Variants in EPB41L4A observed in about 807,000 individuals in gnomAD.
The protein encoded by EPB41L4A is erythrocyte membrane protein band 4.1 like 4A, also known as band 4.1-like protein 4A.
A neutral mutation model predicts 108.6 loss-of-function variants in EPB41L4A; 100 were observed. That is an observed-to-expected ratio of 0.92 (90% CI 0.78 to 1.09). EPB41L4A has a LOEUF of 1.09. Ranked by LOEUF, EPB41L4A falls within the 50% of genes least tolerant of loss-of-function variation. The pLI is 0.00. For synonymous variants in EPB41L4A, 319 were observed against 289.0 expected (o/e 1.10, Z -1.05); for missense variants, 1,030 against 842.7 (o/e 1.22, Z -2.75).
chr5:112,223,062 C>G (rs1417592550), intron 12 of EPB41L4A, among the ~76,000 whole-genome samples: 1 of 151,674 alleles, frequency 6.6e-6, no homozygotes, highest in East Asian at 1.9e-4. Context: ...CCTCAGCCTT[C>G]CAAGTAGCTA....
intron 11 of EPB41L4A, 88 bp downstream of exon 11, chr5:112,239,572 A>T: frequency 1.3e-6 from 1 of 778,122 alleles, no homozygotes; most frequent in East Asian, 3.2e-5. Flanking sequence ...AGAAAAAAAT[A>T]AATAAATAAC....
chr5:112,199,394 G>A (rs763000466), intron 15 of EPB41L4A, among the ~76,000 whole-genome samples: 1 of 152,094 alleles, frequency 6.6e-6, no homozygotes, highest in Non-Finnish European at 1.5e-5. Context: ...TTTTTCCATG[G>A]CCACAATCTC....
At chr5:112,399,150 A>T (rs149303851) in intron 1 of EPB41L4A, among the ~76,000 whole-genome samples, 2 of 152,102 alleles carry the variant, frequency 1.3e-5, no homozygotes, top group African/African-American at 4.8e-5. Context: ...TGATCATCAC[A>T]TATCACCAGC....
chr5:112,403,298 T>C (rs1267917225), intron 1 of EPB41L4A, among the ~76,000 whole-genome samples: 1 of 144,046 alleles, frequency 6.9e-6, no homozygotes, highest in African/African-American at 2.6e-5. Context: ...CAAAGATTTT[T>C]AGGAAATAAT....
intron 4 of EPB41L4A, among the ~76,000 whole-genome samples, chr5:112,269,529 T>G (rs1752113406): frequency 6.6e-6 from 1 of 152,196 alleles, no homozygotes; most frequent in African/African-American, 2.4e-5. Flanking sequence ...TCCTTCTGTG[T>G]CACTCTGATT....
chr5:112,369,053 A>G (rs952643959), intron 1 of EPB41L4A, among the ~76,000 whole-genome samples: 25 of 152,098 alleles, frequency 1.6e-4, no homozygotes, highest in Non-Finnish European at 3.4e-4. Context: ...AGCTATAGAT[A>G]TTATATTTAG....
intron 1 of EPB41L4A, among the ~76,000 whole-genome samples, chr5:112,365,268 A>G (rs115096825): frequency 0.022 from 3,316 of 152,284 alleles, 118 homozygotes; most frequent in African/African-American, 0.074. Flanking sequence ...AGGCATGATC[A>G]TAGCATACTA....
At chr5:112,227,068 T>C in intron 12 of EPB41L4A, among the ~76,000 whole-genome samples, 1 of 151,562 alleles carries the variant, frequency 6.6e-6, no homozygotes, top group Non-Finnish European at 1.5e-5. Flanking sequence ...GTGATCCTGA[T>C]ACTGCTCCCA....
At chr5:112,369,923 G>A (rs942497928) in intron 1 of EPB41L4A, among the ~76,000 whole-genome samples, 5 of 152,174 alleles carry the variant, frequency 3.3e-5, no homozygotes, top group African/African-American at 1.2e-4. Flanking sequence ...CTGAGGTGTA[G>A]GTCTGAAGAA....
chr5:112,334,783 G>A (rs1040435672), intron 1 of EPB41L4A, among the ~76,000 whole-genome samples: 10 of 152,126 alleles, frequency 6.6e-5, no homozygotes, highest in Non-Finnish European at 5.9e-5. Flanking sequence ...CTGAGGCTGT[G>A]TCATGAGTCA....
chr5:112,174,755 G>T (rs1387495794), intron 18 of EPB41L4A, among the ~76,000 whole-genome samples: 1 of 152,014 alleles, frequency 6.6e-6, no homozygotes. Context: ...TAAAAAATAT[G>T]GCAGTATTTT....
intron 2 of EPB41L4A, among the ~76,000 whole-genome samples, chr5:112,286,990 A>G (rs1230599315): frequency 6.6e-6 from 1 of 152,078 alleles, no homozygotes; most frequent in Non-Finnish European, 1.5e-5. Context: ...CGCTTCTAGG[A>G]CACTCCTCAA....
At chr5:112,162,309 T>C (rs1267377224), downstream of EPB41L4A, 1 of 152,230 alleles carries the variant, frequency 6.6e-6, no homozygotes, top group African/African-American at 2.4e-5. Flanking sequence ...ATTAATGCAC[T>C]TTGGCATTTG....
intron 4 of EPB41L4A, among the ~76,000 whole-genome samples, chr5:112,268,011 G>T (rs1008003992): frequency 6.6e-6 from 1 of 152,136 alleles, no homozygotes; most frequent in African/African-American, 2.4e-5. Context: ...AAATCCACTT[G>T]ATAATGATCA....
chr5:112,169,589 A>G (rs1760456183), intron 20 of EPB41L4A, among the ~76,000 whole-genome samples: 1 of 152,228 alleles, frequency 6.6e-6, no homozygotes, highest in Admixed American at 6.5e-5. Context: ...CATTAGCTTG[A>G]CTTCAGCATT....
intron 12 of EPB41L4A, among the ~76,000 whole-genome samples, chr5:112,221,640 AT>A (rs1748056171): frequency 6.6e-6 from 1 of 152,290 alleles, no homozygotes; most frequent in African/African-American, 2.4e-5. Flanking sequence ...GTTCCTACAG[AT>A]TAGGGGCCAA....
chr5:112,186,886 A>G (rs1761456877), intron 17 of EPB41L4A, among the ~76,000 whole-genome samples: 1 of 152,234 alleles, frequency 6.6e-6, no homozygotes, highest in Non-Finnish European at 1.5e-5. Context: ...TGTCCTTAAG[A>G]GGCAGGAGTA....
chr5:112,257,843 T>C (rs1751219035), intron 9 of EPB41L4A, among the ~76,000 whole-genome samples: 1 of 152,226 alleles, frequency 6.6e-6, no homozygotes, highest in South Asian at 2.1e-4. Flanking sequence ...AGATGAATTA[T>C]TATTCATGTG....
At position 112,181,980 on chromosome 5, in the gene EPB41L4A, G is replaced by A. The variant is rs530012656; in HGVS notation, c.1622+2036C>T. ...CCCAGCTACTCAGGAGGCTGAGGCA[G>A]GAGAATGGCTTGAACCCGGGAGGCA... is the stretch of plus-strand genomic sequence containing the variant. On this transcript the variant is annotated intron_variant, in intron 18 of 22. Transcript: ENST00000261486. 1.6e-3 allele frequency among the ~76,000 whole-genome samples: 245 copies of A among 152,144 alleles called. 1 individual carries two copies. Among genetic ancestry groups the A allele is most frequent in the Non-Finnish European group, 2.8e-3 (188 of 67,988 alleles).
Sources: allele counts gnomAD v4.1 joint callset (sites outside exome capture counted in the v4.1 genomes callset), GRCh38; gene constraint gnomAD v4.1.1; transcripts MANE v1.5; gene names NCBI Gene and HGNC (gene_info 2026-07-23, HGNC 2026-07-21).